The following TEX101 variants were observed in gnomAD, a reference collection of about 807,000 sequenced individuals.
The protein encoded by TEX101 is testis expressed 101, also known as testis-expressed protein 101.
A neutral mutation model predicts 18.1 loss-of-function variants in TEX101; 10 were observed. The ratio of observed to expected loss-of-function variants is 0.55; its 90% confidence interval spans 0.34 to 0.94. The LOEUF (loss-of-function observed/expected upper bound fraction) is 0.94, where lower values mean the gene tolerates loss of function less well. TEX101 is among the 40% of genes least tolerant of loss of function. The pLI, the probability that TEX101 is intolerant of heterozygous loss-of-function variation, is 0.02. For missense variants in TEX101, 259 were observed against 298.9 expected (o/e 0.87, Z 0.98); for synonymous variants, 94 against 114.8 (o/e 0.82, Z 1.16).
chr19:43,415,514 C>T (rs10401696), intron 1 of TEX101, among the ~76,000 whole-genome samples: 32,174 of 152,012 alleles, frequency 0.21, 4,041 homozygotes, highest in East Asian at 0.58. Flanking sequence ...GGAATCCCAG[C>T]ACTATGGGGG....
chr19:43,416,281 G>C, intron 3 of TEX101, 39 bp downstream of exon 3: 4 of 1,590,158 alleles, frequency 2.5e-6, no homozygotes, highest in Non-Finnish European at 3.4e-6. Context: ...GTAGGAGGGA[G>C]GTTGATTATC....
At chr19:43,413,885 A>C (rs928026434), upstream of TEX101, among the ~76,000 whole-genome samples, 12 of 151,348 alleles carry the variant, frequency 7.9e-5, no homozygotes, top group Non-Finnish European at 1.8e-4. Flanking sequence ...AACCTGGGAG[A>C]GGGAGGTTGC....
At chr19:43,406,511 G>T (rs1408058239) in exon 3 of TEX101, 1 of 752,378 alleles carries the variant, frequency 1.3e-6, no homozygotes, top group Non-Finnish European at 2.5e-6. Flanking sequence ...CCGCATGGGG[G>T]CGAGGCAGGT....
At chr19:43,404,026 G>C in intron 2 of TEX101, among the ~76,000 whole-genome samples, 1 of 147,082 alleles carries the variant, frequency 6.8e-6, no homozygotes, top group East Asian at 2.0e-4. Context: ...GCAACAGAGT[G>C]AGACTCTGGC....
intron 2 of TEX101, among the ~76,000 whole-genome samples, chr19:43,405,606 A>C (rs73041520): frequency 0.08 from 12,105 of 150,676 alleles, 577 homozygotes; most frequent in Middle Eastern, 0.17. Flanking sequence ...ATCCAATAAT[A>C]AATTATTTAT....
At chr19:43,393,104 G>A in the TEX101 span, among the ~76,000 whole-genome samples, 1 of 111,388 alleles carries the variant, frequency 9.0e-6, no homozygotes, top group Non-Finnish European at 2.0e-5. Context: ...AGGAAGGAAG[G>A]AAAGAAAGAA....
chr19:43,398,357 C>T (rs1461779353), upstream of TEX101, among the ~76,000 whole-genome samples: 3 of 148,138 alleles, frequency 2.0e-5, no homozygotes, highest in East Asian at 3.9e-4. Flanking sequence ...CTCACTGCAA[C>T]CTCCACCTCC....
chr19:43,391,406 C>CTTTTTTTTTTT, the TEX101 span, among the ~76,000 whole-genome samples: 25 of 95,896 alleles, frequency 2.6e-4, no homozygotes, highest in Middle Eastern at 7.0e-3. Flanking sequence ...TTCTGTTTTT[C>CTTTTTTTTTTT]TTTTTTTTTT....
chr19:43,403,839 A>G (rs1310184069), intron 2 of TEX101, among the ~76,000 whole-genome samples: 3 of 152,016 alleles, frequency 2.0e-5, no homozygotes, highest in African/African-American at 4.8e-5. Context: ...GATGGTCAAA[A>G]CCATCCTGGC....
At chr19:43,408,336 A>C (rs559696101) in intron 3 of TEX101, among the ~76,000 whole-genome samples, 161 of 152,244 alleles carry the variant, frequency 1.1e-3, no homozygotes, top group African/African-American at 3.7e-3. Flanking sequence ...CGAACAAGGC[A>C]CGTCGGAGGG....
intron 3 of TEX101, among the ~76,000 whole-genome samples, chr19:43,408,022 G>A (rs1970384372): frequency 6.6e-6 from 1 of 152,198 alleles, no homozygotes; most frequent in Admixed American, 6.5e-5. Flanking sequence ...TGTCCGCTTC[G>A]CAGCGTGTGT....
intron 2 of TEX101, among the ~76,000 whole-genome samples, chr19:43,403,250 A>G (rs542651198): frequency 1.3e-5 from 2 of 152,240 alleles, no homozygotes; most frequent in Non-Finnish European, 2.9e-5. Context: ...TAAGATAAAC[A>G]TTATGTTTAC....
intron 3 of TEX101, among the ~76,000 whole-genome samples, chr19:43,407,604 G>A (rs534492566): frequency 1.2e-4 from 18 of 152,224 alleles, no homozygotes; most frequent in Non-Finnish European, 2.1e-4. Flanking sequence ...TGGTGCTCTT[G>A]CCCAGTACCA....
upstream of TEX101, among the ~76,000 whole-genome samples, chr19:43,412,354 T>C (rs570394787): frequency 6.6e-6 from 1 of 152,078 alleles, no homozygotes; most frequent in Non-Finnish European, 1.5e-5. Context: ...CAGCACCAAG[T>C]CATGAAGGAT....
intron 4 of TEX101, among the ~76,000 whole-genome samples, chr19:43,417,070 G>A (rs1970487969): frequency 6.6e-6 from 1 of 151,218 alleles, no homozygotes; most frequent in Non-Finnish European, 1.5e-5. Context: ...ATCAGTGTAG[G>A]TTTCCGAACA....
At chr19:43,414,516 C>T (rs1238468101), upstream of TEX101, among the ~76,000 whole-genome samples, 1 of 152,090 alleles carries the variant, frequency 6.6e-6, no homozygotes, top group Non-Finnish European at 1.5e-5. Context: ...AGGCTGGGAA[C>T]ATGAGAGGCC....
At chr19:43,394,574 G>A in the TEX101 span, among the ~76,000 whole-genome samples, 8 of 151,734 alleles carry the variant, frequency 5.3e-5, no homozygotes, top group Admixed American at 1.3e-4. Flanking sequence ...AGGTTCAAGC[G>A]ATTCTCCTGC....
intron 3 of TEX101, among the ~76,000 whole-genome samples, chr19:43,409,648 A>AAAAC (rs1292583813): frequency 6.6e-6 from 1 of 152,152 alleles, no homozygotes; most frequent in East Asian, 1.9e-4. Flanking sequence ...AATAGAATTC[A>AAAAC]AAACAGAAGG....
chr19:43,406,582 T>G, intron 3 of TEX101: 2 of 630,214 alleles, frequency 3.2e-6, no homozygotes, highest in South Asian at 1.9e-5. Context: ...ACTAACCTGG[T>G]GGGGGAGTCG....
Sources: gnomAD v4.1 joint callset for allele counts (sites outside exome capture counted in the v4.1 genomes callset) on GRCh38, gnomAD v4.1.1 for gene constraint, MANE v1.5 for transcripts, NCBI Gene and HGNC (gene_info 2026-07-23, HGNC 2026-07-21) for gene names.